ARL4A: variants seen among roughly 807,000 people sequenced by gnomAD.
ARL4A encodes the protein ARF like GTPase 4A.
In ARL4A, 5 loss-of-function variants were observed where a neutral mutation model predicts 13.9. The ratio of observed to expected loss-of-function variants is 0.36; its 90% CI spans 0.19 to 0.75. The LOEUF is 0.75. ARL4A is among the 30% of genes least tolerant of loss of function. The pLI is 0.53. For synonymous variants in ARL4A, 77 were observed against 84.4 expected (o/e 0.91, Z 0.48); for missense variants, 147 against 225.8 (o/e 0.65, Z 2.24).
Position 12,688,432 on chromosome 7 carries a change from A to C in ARL4A, c.178A>C (p.Lys60Gln). ...CAAAGGATTTAACACTGAGAAAATT[A>C]AGGTAACCTTGGGAAATTCTAAAAC... is the stretch of plus-strand genomic sequence containing the variant. The part of the protein sequence containing the change: ...PTKGFNTEKI[K>Q]VTLGNSKTVT... Residue 60 changes from lysine to glutamine, a missense_variant, in exon 2 of 2, where the codon AAG (lysine) becomes CAG (glutamine). By Grantham distance (53) the Lys-to-Gln change is moderately conservative. Transcript: ENST00000651779. The surrounding 1 kb of genome is among the most constrained non-coding windows in gnomAD (Gnocchi z 5.2). 6.2e-7 allele frequency: 1 copy of C among 1,613,610 alleles called. No homozygotes were observed. The highest frequency in any genetic ancestry group is 8.5e-7 in the Non-Finnish European group (1 of 1,179,868).
chr7:12,690,549 A>C lies in ARL4A; in HGVS notation c.*1692A>C, dbSNP rs1784603565. Reference sequence around the variant, plus strand: ...TGCTGAAGCTTTTAATCAGATGTGTAAAAACAATTGACCAGCTAGGCTATT... The same window carrying C: ...TGCTGAAGCTTTTAATCAGATGTGTCAAAACAATTGACCAGCTAGGCTATT... On this transcript the variant is annotated 3_prime_UTR_variant, in exon 2 of 2. Transcript: ENST00000651779. 6.0e-6 allele frequency: 1 copy of C among 166,706 alleles called. No homozygotes were observed. Among genetic ancestry groups the C allele is most frequent in the Non-Finnish European group, 1.5e-5 (1 of 68,072 alleles). 10.3% of individuals were successfully genotyped at this position (166,706 alleles called of 1,614,324 possible).
Position 12,688,887 on chromosome 7 carries a change from T to C in ARL4A, c.*30T>C, listed in dbSNP as rs776307995. On this transcript the variant is annotated 3_prime_UTR_variant, in exon 2 of 2. Coordinates refer to ENST00000651779, the MANE Select transcript of ARL4A (RefSeq NM_005738.5). The surrounding 1 kb of genome is among the most constrained non-coding windows in gnomAD (Gnocchi z 5.2). ...CAATACCTATTATATCTGTGTGGAG[T>C]AGGTTTTCTCTGGTCTGATTTTGAC... 4.7e-5 allele frequency: 74 copies of C among 1,563,542 alleles called. No homozygotes were observed. Among genetic ancestry groups the C allele is most frequent in the Non-Finnish European group, 5.8e-5 (67 of 1,157,456 alleles).
rs564158783 is a variant in ARL4A at position 12,689,376 on chromosome 7, T to C, written c.*519T>C. On this transcript the variant is annotated 3_prime_UTR_variant, in exon 2 of 2. Coordinates refer to ENST00000651779, the MANE Select transcript of ARL4A (RefSeq NM_005738.5). ...GGAGTAAGTATTTTCTTTTTTAAGT[T>C]TCTGCCAAATGATTTTTGACGCTTT... 6.0e-6 allele frequency: 1 copy of C among 167,680 alleles called. No individual in the cohort carries two copies. The highest frequency in any genetic ancestry group is 1.5e-5 in the Non-Finnish European group (1 of 68,512). The allele number at this position is 167,680 out of a possible 1,614,324, so 10.4% of individuals were successfully genotyped here. A position where few individuals can be genotyped will look rare whatever the true frequency, so the allele number is the denominator to read the frequency against.
chr7:12,689,002 T>C lies in ARL4A; in HGVS notation c.*145T>C. 2 of 778,434 alleles carry C rather than the reference T, an allele frequency of 2.6e-6. No individual in the cohort carries two copies. The highest frequency in any genetic ancestry group is 4.1e-6 in the Non-Finnish European group (2 of 485,636). 48.2% of individuals were successfully genotyped at this position (778,434 alleles called of 1,614,324 possible). A position where few individuals can be genotyped will look rare whatever the true frequency, so the allele number is the denominator to read the frequency against. ...TTTGTTGAACAATCAGATGCCCAAC[T>C]CTGTTGCCTTGTGGAAGATGAGTAA... On this transcript the variant is annotated 3_prime_UTR_variant, in exon 2 of 2. Transcript: ENST00000651779.
In ARL4A at chr7:12,689,886, A is replaced by G. The variant is rs993696523; in HGVS notation, c.*1029A>G. ...GTGTGTTGAGAAGAGCAAAAGCTTT[A>G]TAAATATACCTGATGCGCTGTAGAA... On this transcript the variant is annotated 3_prime_UTR_variant, in exon 2 of 2. Transcript: ENST00000651779. 1 of 167,014 alleles carries G rather than the reference A, an allele frequency of 6.0e-6. No individual in the cohort carries two copies. Among genetic ancestry groups the G allele is most frequent in the Non-Finnish European group, 1.5e-5 (1 of 68,114 alleles). The allele number at this position is 167,014 out of a possible 1,614,324, so 10.3% of individuals were successfully genotyped here. A position where few individuals can be genotyped will look rare whatever the true frequency, so the allele number is the denominator to read the frequency against.
Position 12,688,534 on chromosome 7 carries a change from G to A in ARL4A, c.280G>A (p.Asp94Asn), listed in dbSNP as rs1251752863. Residue 94 changes from aspartate to asparagine, a missense_variant, in exon 2 of 2, where the codon GAT (aspartate) becomes AAT (asparagine). Asp to Asn is a conservative substitution (Grantham distance 23, BLOSUM62 1). Coordinates refer to ENST00000651779, the MANE Select transcript of ARL4A (RefSeq NM_005738.5). The surrounding 1 kb of genome is among the most constrained non-coding windows in gnomAD (Gnocchi z 5.2). ...GTGGAAGTCATATACCAGATGCACAGATGGCATTGTATTTGTTGTGGACTC... is the reference window on the plus strand; with the variant it reads ...GTGGAAGTCATATACCAGATGCACAAATGGCATTGTATTTGTTGTGGACTC... ...PLWKSYTRCT[D>N]GIVFVVDSVD... is the part of the protein sequence containing the mutation. 3.2e-5 allele frequency: 51 copies of A among 1,612,022 alleles called. No homozygotes were observed. Among genetic ancestry groups the A allele is most frequent in the Non-Finnish European group, 4.3e-5 (51 of 1,179,826 alleles).
At position 12,689,667 on chromosome 7, in the gene ARL4A, G is replaced by C. The variant is rs1279272630; in HGVS notation, c.*810G>C. 3 of 166,634 alleles carry C rather than the reference G, an allele frequency of 1.8e-5. No individual in the cohort carries two copies. Among genetic ancestry groups the C allele is most frequent in the Non-Finnish European group, 4.4e-5 (3 of 68,064 alleles). The allele number at this position is 166,634 out of a possible 1,614,324, so 10.3% of individuals were successfully genotyped here. A position where few individuals can be genotyped will look rare whatever the true frequency, so the allele number is the denominator to read the frequency against. On this transcript the variant is annotated 3_prime_UTR_variant, in exon 2 of 2. Transcript: ENST00000651779. ...TTCACTTGAAGAACCTAAAATGATT[G>C]ACTCATTCATAGTAAATATGGGCAT...
Position 12,688,189 on chromosome 7 carries a change from C to G in ARL4A, c.-66C>G. Reference sequence around the variant, plus strand: ...AGCAGTCTTATAGCTGGATCAGCTACCAAGAGAAGTTGTAAACCAAGAAGA... The same window carrying G: ...AGCAGTCTTATAGCTGGATCAGCTAGCAAGAGAAGTTGTAAACCAAGAAGA... On this transcript the variant is annotated 5_prime_UTR_variant, in exon 2 of 2. Coordinates refer to ENST00000651779, the MANE Select transcript of ARL4A (RefSeq NM_005738.5). The surrounding 1 kb of genome is among the most constrained non-coding windows in gnomAD (Gnocchi z 5.2). The G allele has an allele frequency of 2.0e-6, 3 of 1,515,944 alleles. No homozygotes were observed. Among genetic ancestry groups the G allele is most frequent in the Non-Finnish European group, 2.6e-6 (3 of 1,133,680 alleles). 93.9% of individuals were successfully genotyped at this position (1,515,944 alleles called of 1,614,324 possible).
upstream of ARL4A, chr7:12,687,312 G>C (rs1018516533): frequency 6.6e-6 from 1 of 152,218 alleles, no homozygotes; most frequent in Admixed American, 6.5e-5. This position sits in a 1 kb window ranked among gnomAD's most constrained non-coding sequence, Gnocchi z 5.6. Context: ...CTGCGCTGCA[G>C]GTGCGCCGGG....
upstream of ARL4A, chr7:12,687,452 G>C (rs1310885028): frequency 6.6e-6 from 1 of 152,400 alleles, no homozygotes; most frequent in East Asian, 1.9e-4. The surrounding 1 kb of genome is among the most constrained non-coding windows in gnomAD (Gnocchi z 5.6). Flanking sequence ...CCGGTGGACC[G>C]AGAGAGAGCT....
At position 12,689,048 on chromosome 7, in the gene ARL4A, G is replaced by T. The variant is rs1191852348; in HGVS notation, c.*191G>T. ...AGTAAATGCAGTGCTTCTTAAAGTGGTCTCTTCTCCCTACCCCACAAATCT... is the reference window on the plus strand; with the variant it reads ...AGTAAATGCAGTGCTTCTTAAAGTGTTCTCTTCTCCCTACCCCACAAATCT... On this transcript the variant is annotated 3_prime_UTR_variant, in exon 2 of 2. Transcript: ENST00000651779. 2 of 582,984 alleles carry T rather than the reference G, an allele frequency of 3.4e-6. No homozygotes were observed. The highest frequency in any genetic ancestry group is 6.0e-6 in the Non-Finnish European group (2 of 333,382). 36.1% of individuals were successfully genotyped at this position (582,984 alleles called of 1,614,324 possible).
In ARL4A at chr7:12,690,602, A is replaced by G. The variant is rs935956255; in HGVS notation, c.*1745A>G. The G allele has an allele frequency of 6.1e-6, 1 of 162,940 alleles. No individual in the cohort carries two copies. The highest frequency in any genetic ancestry group is 2.5e-5 in the African/African-American group (1 of 40,636). 10.1% of individuals were successfully genotyped at this position (162,940 alleles called of 1,614,324 possible). On this transcript the variant is annotated 3_prime_UTR_variant, in exon 2 of 2. Transcript: ENST00000651779. ...GTCCCATAGTAGTTCAGATCTGCTTAGATGTGACAGGCATTGAAGGCTGTT... is the reference window on the plus strand; with the variant it reads ...GTCCCATAGTAGTTCAGATCTGCTTGGATGTGACAGGCATTGAAGGCTGTT...
At position 12,688,283 on chromosome 7, in the gene ARL4A, C is replaced by T; in HGVS notation, c.29C>T (p.Ser10Phe). ...GGGAATGGGCTGTCAGACCAGACTT[C>T]TATCCTGTCCAACCTGCCTTCATTT... is the stretch of plus-strand genomic sequence containing the variant. MGNGLSDQT[S>F]ILSNLPSFQS... The change falls in exon 2 of 2, where the codon TCT becomes TTT. Residue 10 changes from serine to phenylalanine, a missense_variant. By Grantham distance (155) the Ser-to-Phe change is radical. Transcript: ENST00000651779. This position sits in a 1 kb window ranked among gnomAD's most constrained non-coding sequence, Gnocchi z 5.2. 6.2e-7 allele frequency: 1 copy of T among 1,608,696 alleles called. No homozygotes were observed. The highest frequency in any genetic ancestry group is 8.5e-7 in the Non-Finnish European group (1 of 1,177,120).
chr7:12,687,712 A>C lies in ARL4A; in HGVS notation c.-106A>C, dbSNP rs1200529848. The C allele has an allele frequency of 6.5e-6, 1 of 153,168 alleles. No individual in the cohort carries two copies. The highest frequency in any genetic ancestry group is 2.4e-5 in the African/African-American group (1 of 41,478). The allele number at this position is 153,168 out of a possible 1,614,324, so 9.5% of individuals were successfully genotyped here. A position where few individuals can be genotyped will look rare whatever the true frequency, so the allele number is the denominator to read the frequency against. On this transcript the variant is annotated 5_prime_UTR_variant, in exon 1 of 2. Coordinates refer to ENST00000651779, the MANE Select transcript of ARL4A (RefSeq NM_005738.5). The surrounding 1 kb of genome is among the most constrained non-coding windows in gnomAD (Gnocchi z 5.6). ...TGCCAATGCTTTCTCATTTGGACCC[A>C]GACTCCAGATCGGGAGGTGAGAACG...
Position 12,690,300 on chromosome 7 carries a change from G to GT in ARL4A, c.*1457dup, listed in dbSNP as rs66751850. The GT allele has an allele frequency of 6.2e-3, 936 of 150,190 alleles. 3 individuals carry two copies. The highest frequency in any genetic ancestry group is 0.015 in the Middle Eastern group (4 of 264). 9.3% of individuals were successfully genotyped at this position (150,190 alleles called of 1,614,324 possible). A position where few individuals can be genotyped will look rare whatever the true frequency, so the allele number is the denominator to read the frequency against. ...TTTTGGCTTTGGGTTTTGTTTTTTTGTTTTTTTTTTTTTTCAGTGGCATAA... is the reference window on the plus strand; with the variant it reads ...TTTTGGCTTTGGGTTTTGTTTTTTTGTTTTTTTTTTTTTTTCAGTGGCATAA... On this transcript the variant is annotated 3_prime_UTR_variant, in exon 2 of 2. Transcript: ENST00000651779.
chr7:12,688,906 T>G lies in ARL4A; in HGVS notation c.*49T>G, dbSNP rs767181367. The G allele has an allele frequency of 3.3e-6, 5 of 1,518,556 alleles. No individual in the cohort carries two copies. The highest frequency in any genetic ancestry group is 4.4e-6 in the Non-Finnish European group (5 of 1,127,970). 94.1% of individuals were successfully genotyped at this position (1,518,556 alleles called of 1,614,324 possible). A position where few individuals can be genotyped will look rare whatever the true frequency, so the allele number is the denominator to read the frequency against. ...GTGGAGTAGGTTTTCTCTGGTCTGA[T>G]TTTGACAAATAGAAGAGTGTCTACA... On this transcript the variant is annotated 3_prime_UTR_variant, in exon 2 of 2. Coordinates refer to ENST00000651779, the MANE Select transcript of ARL4A (RefSeq NM_005738.5). This position sits in a 1 kb window ranked among gnomAD's most constrained non-coding sequence, Gnocchi z 5.2.
In ARL4A at chr7:12,688,023, A is replaced by G. The variant is rs556528334; in HGVS notation, c.-89-143A>G. Reference sequence around the variant, plus strand: ...TTTGTCTTGGACTGTGTGTGTTTTCATGTACGTTTCATATCTCGTCTGGTT... The same window carrying G: ...TTTGTCTTGGACTGTGTGTGTTTTCGTGTACGTTTCATATCTCGTCTGGTT... On this transcript the variant is annotated intron_variant, in intron 1 of 1. Transcript: ENST00000651779. The surrounding 1 kb of genome is among the most constrained non-coding windows in gnomAD (Gnocchi z 5.2). 2 of 494,218 alleles carry G rather than the reference A, an allele frequency of 4.0e-6. No homozygotes were observed. The highest frequency in any genetic ancestry group is 3.7e-5 in the South Asian group (1 of 27,188). The allele number at this position is 494,218 out of a possible 1,614,324, so 30.6% of individuals were successfully genotyped here. A position where few individuals can be genotyped will look rare whatever the true frequency, so the allele number is the denominator to read the frequency against.
At position 12,689,241 on chromosome 7, in the gene ARL4A, G is replaced by A. The variant is rs1378349040; in HGVS notation, c.*384G>A. The A allele has an allele frequency of 2.5e-5, 5 of 201,034 alleles. No individual in the cohort carries two copies. Among genetic ancestry groups the A allele is most frequent in the Non-Finnish European group, 4.5e-5 (4 of 88,744 alleles). The allele number at this position is 201,034 out of a possible 1,614,324, so 12.5% of individuals were successfully genotyped here. A position where few individuals can be genotyped will look rare whatever the true frequency, so the allele number is the denominator to read the frequency against. ...CCTTTGCAAGAAAATTGCATACAAG[G>A]CTTTGTAACGATCAAGTGCTAATCG... On this transcript the variant is annotated 3_prime_UTR_variant, in exon 2 of 2. Transcript: ENST00000651779.
chr7:12,689,152 T>G lies in ARL4A; in HGVS notation c.*295T>G, dbSNP rs1307817924. 7.2e-6 allele frequency: 2 copies of G among 277,326 alleles called. No homozygotes were observed. Among genetic ancestry groups the G allele is most frequent in the Non-Finnish European group, 1.5e-5 (2 of 137,386 alleles). The allele number at this position is 277,326 out of a possible 1,614,324, so 17.2% of individuals were successfully genotyped here. A position where few individuals can be genotyped will look rare whatever the true frequency, so the allele number is the denominator to read the frequency against. On this transcript the variant is annotated 3_prime_UTR_variant, in exon 2 of 2. Transcript: ENST00000651779. ...CAGTTGTGGGAATTTGGTCTGAAGT[T>G]AGTGAAATAAAACTTTAAAGAGTGT...
Sources: allele counts gnomAD v4.1 joint callset, GRCh38; gene constraint gnomAD v4.1.1; non-coding constraint Gnocchi (gnomAD v3.1); transcripts MANE v1.5; gene names NCBI Gene and HGNC (gene_info 2026-07-23, HGNC 2026-07-21).